LRRC37A2: variants seen among roughly 807,000 people sequenced by gnomAD.
LRRC37A2 encodes leucine rich repeat containing 37 member A2, also known as leucine-rich repeat-containing protein 37A2.
In LRRC37A2, 9 loss-of-function variants were observed where a neutral mutation model predicts 68.8. The ratio of observed to expected loss-of-function variants is 0.13; its 90% CI spans 0.08 to 0.23. The LOEUF is 0.23. LRRC37A2 is among the 10% of genes least tolerant of loss of function. The pLI is 1.00. For synonymous variants in LRRC37A2, 63 were observed against 367.6 expected (o/e 0.17, Z 9.48); for missense variants, 168 against 950.4 (o/e 0.18, Z 10.82).
chr17:46,872,370 T>C, the LRRC37A2 span: 6 of 1,284,944 alleles, frequency 4.7e-6, no homozygotes, highest in Non-Finnish European at 6.0e-6. Flanking sequence ...GGTTTCCTAA[T>C]CTGTAAAATG....
the LRRC37A2 span, chr17:46,941,052 C>G: frequency 9.2e-7 from 1 of 1,081,500 alleles, no homozygotes; most frequent in Non-Finnish European, 1.1e-6. Flanking sequence ...CAAGAAACTC[C>G]GGTAGCCAGC....
the LRRC37A2 span, among the ~76,000 whole-genome samples, chr17:46,869,355 G>T: frequency 2.1e-3 from 316 of 152,332 alleles, no homozygotes; most frequent in African/African-American, 7.3e-3. Flanking sequence ...GCCATGCAGA[G>T]CTGGGCACCG....
the LRRC37A2 span, among the ~76,000 whole-genome samples, chr17:46,871,586 T>C: frequency 6.6e-6 from 1 of 152,116 alleles, no homozygotes; most frequent in South Asian, 2.1e-4. Flanking sequence ...CCAGGCACTG[T>C]GGTTAGTCCA....
chr17:46,875,005 C>T, the LRRC37A2 span: 1 of 1,596,452 alleles, frequency 6.3e-7, no homozygotes, highest in Admixed American at 1.7e-5. Context: ...CCACCACCGC[C>T]TCTGGCCCTC....
chr17:46,957,625 C>T, the LRRC37A2 span, among the ~76,000 whole-genome samples: 1 of 152,052 alleles, frequency 6.6e-6, no homozygotes, highest in African/African-American at 2.4e-5. Flanking sequence ...AACAAACAAA[C>T]AAACAAACAA....
At chr17:47,020,831 A>T in the LRRC37A2 span, among the ~76,000 whole-genome samples, 1 of 149,828 alleles carries the variant, frequency 6.7e-6, no homozygotes, top group East Asian at 1.9e-4. Context: ...GAGAATAGGC[A>T]TAAAAAGGGA....
At chr17:46,935,272 A>G in the LRRC37A2 span, 3 of 1,600,580 alleles carry the variant, frequency 1.9e-6, no homozygotes, top group Admixed American at 1.7e-5. Context: ...TCAAATTGTG[A>G]TATTTTGATG....
chr17:46,708,782 C>T, the LRRC37A2 span, among the ~76,000 whole-genome samples: 2 of 143,872 alleles, frequency 1.4e-5, no homozygotes, highest in Admixed American at 1.4e-4. Flanking sequence ...GCATGAGCCA[C>T]TGCACTTGGC....
At chr17:46,386,030 ATT>A in the LRRC37A2 span, among the ~76,000 whole-genome samples, 4 of 119,042 alleles carry the variant, frequency 3.4e-5, no homozygotes, top group Non-Finnish European at 3.8e-5. Flanking sequence ...AAGCATGGCT[ATT>A]TTGCTGCAGT....
At chr17:46,499,340 G>GGT in the LRRC37A2 span, among the ~76,000 whole-genome samples, 1 of 140,654 alleles carries the variant, frequency 7.1e-6, no homozygotes, top group Non-Finnish European at 1.5e-5. Flanking sequence ...AAAAAAGGTG[G>GGT]GGGGACAATG....
At chr17:46,828,479 A>C in the LRRC37A2 span, among the ~76,000 whole-genome samples, 1 of 152,056 alleles carries the variant, frequency 6.6e-6, no homozygotes, top group Non-Finnish European at 1.5e-5. Context: ...CTGGGATTAC[A>C]GGCATGAGTC....
the LRRC37A2 span, chr17:46,749,713 C>T: frequency 6.9e-7 from 1 of 1,459,738 alleles, no homozygotes; most frequent in Non-Finnish European, 9.2e-7. Flanking sequence ...TTCAAGCTTA[C>T]TGTAGTTTCC....
the LRRC37A2 span, among the ~76,000 whole-genome samples, chr17:46,904,107 A>C: frequency 1.4e-5 from 2 of 141,230 alleles, no homozygotes; most frequent in Non-Finnish European, 3.0e-5. Context: ...AGATGGCTGG[A>C]TGGATGGCTG....
chr17:47,037,473 C>T, the LRRC37A2 span, among the ~76,000 whole-genome samples: 2,341 of 152,248 alleles, frequency 0.015, 45 homozygotes, highest in African/African-American at 0.054. Context: ...TTTGGAGAAT[C>T]GTGCTATTAT....
chr17:46,529,163 A>G (rs1211356186), intron 6 of LRRC37A2, among the ~76,000 whole-genome samples: 1 of 137,362 alleles, frequency 7.3e-6, no homozygotes, highest in Non-Finnish European at 1.6e-5. Context: ...AACATAGCTC[A>G]TCTATCTGGA....
At chr17:47,032,547 C>G in the LRRC37A2 span, among the ~76,000 whole-genome samples, 4 of 152,132 alleles carry the variant, frequency 2.6e-5, no homozygotes, top group South Asian at 2.1e-4. Context: ...CTAACTTGAA[C>G]AGGACCTGTA....
intron 6 of LRRC37A2, among the ~76,000 whole-genome samples, chr17:46,533,925 A>G (rs1242016838): frequency 8.1e-3 from 934 of 115,360 alleles, no homozygotes; most frequent in Non-Finnish European, 0.01. Flanking sequence ...TTTCAAAGGT[A>G]GTTTTGCCAG....
chr17:46,756,776 C>G, the LRRC37A2 span: 1 of 152,538 alleles, frequency 6.6e-6, no homozygotes, highest in Non-Finnish European at 1.5e-5. Flanking sequence ...GTGTCTAAAA[C>G]ACTATTCTCC....
the LRRC37A2 span, among the ~76,000 whole-genome samples, chr17:46,920,690 G>A: frequency 0.015 from 2,270 of 152,190 alleles, 27 homozygotes; most frequent in Non-Finnish European, 0.023. Flanking sequence ...TCCTAGAGAC[G>A]ACCCCCAGCT....
Sources: gnomAD v4.1 joint callset for allele counts (sites outside exome capture counted in the v4.1 genomes callset) on GRCh38, gnomAD v4.1.1 for gene constraint, MANE v1.5 for transcripts, NCBI Gene and HGNC (gene_info 2026-07-23, HGNC 2026-07-21) for gene names.